CDH4: variants seen among roughly 807,000 people sequenced by gnomAD.
CDH4 encodes cadherin-4.
Under a neutral mutation model 86.0 loss-of-function variants are expected in CDH4, and 33 were observed. The ratio of observed to expected loss-of-function variants is 0.38; its 90% CI spans 0.29 to 0.51. CDH4 has a LOEUF of 0.51. Ranked by LOEUF, CDH4 falls within the 20% of genes least tolerant of loss-of-function variation. The probability of loss-of-function intolerance (pLI) is 0.86; values close to 1 mark genes in which losing one functional copy is unlikely to be tolerated. For synonymous variants in CDH4, 555 were observed against 549.4 expected (o/e 1.01, Z -0.14); for missense variants, 1,114 against 1,307.4 (o/e 0.85, Z 2.28).
Position 61,476,331 on chromosome 20 carries a change from C to T in CDH4, c.169+221394C>T, listed in dbSNP as rs1253416727. Among the ~76,000 whole-genome samples, 5 of 152,356 alleles carry T rather than the reference C, an allele frequency of 3.3e-5. No individual in the cohort carries two copies. In the East Asian group the frequency reaches 9.6e-4, roughly 29 times the overall value. On this transcript the variant is annotated intron_variant, in intron 2 of 15. Coordinates refer to ENST00000614565, the MANE Select transcript of CDH4 (RefSeq NM_001794.5). ...AGACGGAAGTCAAAGCCAACGTTTGCAGGACATTTCCTGCCTGCCAGACTC... is the reference window on the plus strand; with the variant it reads ...AGACGGAAGTCAAAGCCAACGTTTGTAGGACATTTCCTGCCTGCCAGACTC...
At chr20:61,423,062 A>G (rs2085189059) in intron 2 of CDH4, among the ~76,000 whole-genome samples, 1 of 152,190 alleles carries the variant, frequency 6.6e-6, no homozygotes, top group South Asian at 2.1e-4. Flanking sequence ...TGGACGTGGT[A>G]GAGAAATGCC....
At chr20:61,928,098 G>A (rs999059535) in intron 11 of CDH4, 92 bp from the exon 12 acceptor site, 60 of 945,490 alleles carry the variant, frequency 6.3e-5, no homozygotes, top group African/African-American at 4.9e-4. Flanking sequence ...TATGTTGCAC[G>A]TGGTTGTTTG....
At chr20:61,871,762 G>A (rs867250338) in intron 6 of CDH4, among the ~76,000 whole-genome samples, 9 of 152,192 alleles carry the variant, frequency 5.9e-5, no homozygotes, top group South Asian at 4.1e-4. Flanking sequence ...CCTCCCACCC[G>A]TTTGCTTACT....
At chr20:61,889,148 C>T (rs948114029) in intron 7 of CDH4, among the ~76,000 whole-genome samples, 1 of 152,246 alleles carries the variant, frequency 6.6e-6, no homozygotes, top group Non-Finnish European at 1.5e-5. Context: ...CCCCCACCTT[C>T]CTTCCTCAAC....
intron 8 of CDH4, among the ~76,000 whole-genome samples, chr20:61,897,909 C>T (rs1014354122): frequency 1.3e-4 from 20 of 152,300 alleles, no homozygotes; most frequent in South Asian, 8.3e-4. Context: ...TAACACAGTC[C>T]GGGAGAGGAT....
At chr20:61,441,271 G>A (rs2085313865) in intron 2 of CDH4, among the ~76,000 whole-genome samples, 1 of 152,176 alleles carries the variant, frequency 6.6e-6, no homozygotes, top group African/African-American at 2.4e-5. Flanking sequence ...AGAATCAGGG[G>A]TTTCAGAAGG....
chr20:61,871,975 C>T (rs1878163531), intron 6 of CDH4, among the ~76,000 whole-genome samples: 1 of 151,876 alleles, frequency 6.6e-6, no homozygotes, highest in African/African-American at 2.4e-5. Flanking sequence ...CTTGTCCTGC[C>T]TGGGTGGAAG....
At chr20:61,568,436 G>C (rs2086316690) in intron 2 of CDH4, among the ~76,000 whole-genome samples, 1 of 152,180 alleles carries the variant, frequency 6.6e-6, no homozygotes, top group African/African-American at 2.4e-5. Flanking sequence ...TAAGTTTCCT[G>C]AGGCCTCCCC....
At position 61,517,008 on chromosome 20, in the gene CDH4, C is replaced by T. The variant is rs951136112; in HGVS notation, c.170-226555C>T. 1.3e-5 allele frequency among the ~76,000 whole-genome samples: 2 copies of T among 152,170 alleles called. No homozygotes were observed. Among genetic ancestry groups the T allele is most frequent in the Non-Finnish European group, 2.9e-5 (2 of 68,030 alleles). Reference sequence around the variant, plus strand: ...AAATGCAGGCATGATTAGTACCCAACCAGACAGCTCTGCACAGACTGCAGA... The same window carrying T: ...AAATGCAGGCATGATTAGTACCCAATCAGACAGCTCTGCACAGACTGCAGA... On this transcript the variant is annotated intron_variant, in intron 2 of 15. Coordinates refer to ENST00000614565, the MANE Select transcript of CDH4 (RefSeq NM_001794.5). The surrounding 1 kb of genome is among the most constrained non-coding windows in gnomAD (Gnocchi z 6.6).
chr20:61,777,837 T>G (rs199814354), intron 4 of CDH4, among the ~76,000 whole-genome samples: 20,699 of 70,868 alleles, frequency 0.29, 2,608 homozygotes, highest in East Asian at 0.49. Context: ...CGCACGCACT[T>G]GCATACAAAA....
chr20:61,603,538 G>A (rs1193320015), intron 2 of CDH4, among the ~76,000 whole-genome samples: 1 of 152,208 alleles, frequency 6.6e-6, no homozygotes, highest in Non-Finnish European at 1.5e-5. Flanking sequence ...GCCCTACCAG[G>A]TGTGGGAGGG....
chr20:61,669,994 T>G (rs2087368876), intron 2 of CDH4, among the ~76,000 whole-genome samples: 1 of 152,096 alleles, frequency 6.6e-6, no homozygotes, highest in Non-Finnish European at 1.5e-5. Flanking sequence ...GGCTGCAGCA[T>G]TAATACCCTT....
intron 2 of CDH4, among the ~76,000 whole-genome samples, chr20:61,495,311 C>T (rs907259957): frequency 2.0e-5 from 3 of 152,206 alleles, no homozygotes; most frequent in Admixed American, 2.0e-4. Flanking sequence ...CACGACGTTC[C>T]CCTCGTTAAC....
rs556286335 is a variant in CDH4 at position 61,459,134 on chromosome 20, G to T, written c.169+204197G>T. Among the ~76,000 whole-genome samples the T allele has an allele frequency of 1.9e-3, 285 of 152,194 alleles. 1 individual carries two copies. The highest frequency in any genetic ancestry group is 6.5e-3 in the African/African-American group (272 of 41,532). On this transcript the variant is annotated intron_variant, in intron 2 of 15. Transcript: ENST00000614565. Reference sequence around the variant, plus strand: ...CCCCAGTGGCCCCAGCATGGTCTCTGCCTTCATGGGCTGGTGTTGCCTGGT... The same window carrying T: ...CCCCAGTGGCCCCAGCATGGTCTCTTCCTTCATGGGCTGGTGTTGCCTGGT...
intron 2 of CDH4, among the ~76,000 whole-genome samples, chr20:61,639,641 C>T (rs1285432884): frequency 6.6e-6 from 1 of 152,206 alleles, no homozygotes; most frequent in Non-Finnish European, 1.5e-5. Context: ...CTTGCCTGCA[C>T]ACGGGCCCTG....
At chr20:61,443,182 G>A (rs1435762221) in intron 2 of CDH4, among the ~76,000 whole-genome samples, 3 of 152,212 alleles carry the variant, frequency 2.0e-5, no homozygotes, top group South Asian at 2.1e-4. Flanking sequence ...GGAAGGCTGG[G>A]CATATTTAAA....
In CDH4 at chr20:61,402,352, A is replaced by G. The variant is rs116841759; in HGVS notation, c.169+147415A>G. On this transcript the variant is annotated intron_variant, in intron 2 of 15. Transcript: ENST00000614565. ...TGTTATACTGTATTGTTTATGAAAT[A>G]TTGACAAGAAAAGTCTGTACATGTT... is the stretch of plus-strand genomic sequence containing the variant. Among the ~76,000 whole-genome samples the G allele has an allele frequency of 5.9e-3, 900 of 152,044 alleles. 2 individuals carry two copies. The highest frequency in any genetic ancestry group is 8.9e-3 in the Non-Finnish European group (603 of 68,038).
At chr20:61,264,858 A>T (rs1482742636) in intron 2 of CDH4, among the ~76,000 whole-genome samples, 3 of 142,906 alleles carry the variant, frequency 2.1e-5, no homozygotes, top group Non-Finnish European at 4.6e-5. Flanking sequence ...CACATACCCC[A>T]GTGGCTTCTT....
intron 2 of CDH4, among the ~76,000 whole-genome samples, chr20:61,472,420 T>C (rs1031989646): frequency 1.3e-5 from 2 of 152,242 alleles, no homozygotes; most frequent in African/African-American, 4.8e-5. Context: ...ATGTGCTTTA[T>C]GGTTGTTTTG....
Sources: gnomAD v4.1 joint callset for allele counts (sites outside exome capture counted in the v4.1 genomes callset) on GRCh38, gnomAD v4.1.1 for gene constraint, Gnocchi (gnomAD v3.1) non-coding constraint, MANE v1.5 for transcripts, NCBI Gene and HGNC (gene_info 2026-07-23, HGNC 2026-07-21) for gene names.